The following CSMD1 variants were observed in gnomAD, a reference collection of about 807,000 sequenced individuals.
CSMD1 encodes the protein CUB and Sushi multiple domains 1.
CSMD1 carries 213 observed loss-of-function variants against 417.5 expected under a neutral mutation model. The ratio of observed to expected loss-of-function variants is 0.51; its 90% confidence interval spans 0.46 to 0.57. CSMD1 has a LOEUF of 0.57. Among genes scored for constraint, CSMD1 ranks in the 20% least tolerant of loss-of-function variants. The pLI, the probability that CSMD1 is intolerant of heterozygous loss-of-function variation, is 0.00. For missense variants in CSMD1, 6,923 were observed against 4,529.7 expected (o/e 1.53, Z -15.17); for synonymous variants, 2,862 against 1,736.8 (o/e 1.65, Z -16.11).
At chr8:3,045,575 T>C (rs7387327) in intron 50 of CSMD1, among the ~76,000 whole-genome samples, 71,010 of 151,974 alleles carry the variant, frequency 0.47, 18,662 homozygotes, top group Non-Finnish European at 0.59. Context: ...CTATTACCTA[T>C]GGTGACCCCA....
intron 5 of CSMD1, among the ~76,000 whole-genome samples, chr8:3,953,481 G>T (rs778752858): frequency 1.3e-5 from 2 of 152,138 alleles, no homozygotes; most frequent in African/African-American, 2.4e-5. Flanking sequence ...AGAGAGAGGT[G>T]TATGGGCTGA....
At chr8:4,128,314 G>C (rs1397077966) in intron 3 of CSMD1, among the ~76,000 whole-genome samples, 2 of 152,128 alleles carry the variant, frequency 1.3e-5, no homozygotes, top group Non-Finnish European at 2.9e-5. Flanking sequence ...CTACAAATTA[G>C]GGTCAGTTTT....
At chr8:4,807,656 A>C (rs1363161093) in intron 1 of CSMD1, among the ~76,000 whole-genome samples, 1 of 152,212 alleles carries the variant, frequency 6.6e-6, no homozygotes, top group Non-Finnish European at 1.5e-5. Context: ...AATACTGTAC[A>C]TGCACACGTA....
At chr8:3,871,245 T>C (rs1805463056) in intron 5 of CSMD1, among the ~76,000 whole-genome samples, 1 of 152,240 alleles carries the variant, frequency 6.6e-6, no homozygotes, top group African/African-American at 2.4e-5. Flanking sequence ...ATACATATTT[T>C]AGCACTTAAT....
At chr8:4,368,305 G>A (rs1238875039) in intron 3 of CSMD1, among the ~76,000 whole-genome samples, 1 of 152,130 alleles carries the variant, frequency 6.6e-6, no homozygotes, top group African/African-American at 2.4e-5. Context: ...ATATGTGTAT[G>A]TTAAACCAAC....
intron 3 of CSMD1, among the ~76,000 whole-genome samples, chr8:4,175,335 G>A (rs184398192): frequency 6.6e-6 from 1 of 152,144 alleles, no homozygotes; most frequent in South Asian, 2.1e-4. Context: ...AGTTATCTTC[G>A]TCACTTTTTT....
chr8:3,382,066 T>G (rs1324646162), intron 18 of CSMD1, among the ~76,000 whole-genome samples: 1 of 152,118 alleles, frequency 6.6e-6, no homozygotes, highest in African/African-American at 2.4e-5. Context: ...GAGACCAGCC[T>G]GGCCAACATG....
intron 3 of CSMD1, among the ~76,000 whole-genome samples, chr8:4,116,987 A>C (rs1802191267): frequency 6.6e-6 from 1 of 152,062 alleles, no homozygotes. Context: ...CCTAGTGACT[A>C]TCTTCAGTAA....
intron 1 of CSMD1, among the ~76,000 whole-genome samples, chr8:4,931,810 T>C (rs1478458049): frequency 6.6e-6 from 1 of 152,220 alleles, no homozygotes; most frequent in Admixed American, 6.5e-5. Context: ...TGCAAACATT[T>C]TAGCTTGTTA....
Position 3,707,783 on chromosome 8 carries a change from G to C in CSMD1, c.1009+631C>G, listed in dbSNP as rs182471784. Reference sequence around the variant, plus strand: ...CAGAGAAGCACCATGACCCAGTCCAGGCATGGTCAGGGCTTCCTATGGCTG... The same window carrying C: ...CAGAGAAGCACCATGACCCAGTCCACGCATGGTCAGGGCTTCCTATGGCTG... On this transcript the variant is annotated intron_variant, in intron 7 of 69. Coordinates refer to ENST00000635120, the MANE Select transcript of CSMD1 (RefSeq NM_033225.6). 4.1e-4 allele frequency among the ~76,000 whole-genome samples: 62 copies of C among 152,300 alleles called. 1 individual carries two copies. The East Asian group carries it at 0.011, about 27-fold the overall frequency.
chr8:3,887,407 C>G (rs922298701), intron 5 of CSMD1, among the ~76,000 whole-genome samples: 2 of 152,192 alleles, frequency 1.3e-5, no homozygotes, highest in South Asian at 2.1e-4. Context: ...ACCTTCTACT[C>G]TGTCTGAAAT....
chr8:3,379,151 C>T (rs901549896), intron 18 of CSMD1, among the ~76,000 whole-genome samples: 13 of 152,050 alleles, frequency 8.5e-5, no homozygotes, highest in African/African-American at 3.1e-4. Flanking sequence ...TTCACAATTG[C>T]TACAAAGAGA....
chr8:4,041,142 G>T (rs573005933), intron 3 of CSMD1, among the ~76,000 whole-genome samples: 14 of 148,796 alleles, frequency 9.4e-5, no homozygotes, highest in African/African-American at 3.0e-4. Flanking sequence ...TCAGCCTCCC[G>T]AGTAGCTGGG....
intron 5 of CSMD1, among the ~76,000 whole-genome samples, chr8:3,828,878 C>G (rs78469962): frequency 0.012 from 1,848 of 152,240 alleles, 36 homozygotes; most frequent in African/African-American, 0.041. Context: ...CGTCTCACAT[C>G]ACCAACCCCA....
chr8:3,206,882 G>T (rs1440767235), intron 30 of CSMD1, among the ~76,000 whole-genome samples: 1 of 152,026 alleles, frequency 6.6e-6, no homozygotes, highest in African/African-American at 2.4e-5. Context: ...TCTTTAGATT[G>T]CCAGTACTCT....
At chr8:4,742,894 G>C (rs1009573983) in intron 1 of CSMD1, among the ~76,000 whole-genome samples, 1 of 151,994 alleles carries the variant, frequency 6.6e-6, no homozygotes, top group Non-Finnish European at 1.5e-5. Context: ...ATGTCTATCA[G>C]AACGGTTAAA....
intron 23 of CSMD1, among the ~76,000 whole-genome samples, chr8:3,318,488 G>T (rs1325660549): frequency 6.6e-6 from 1 of 152,178 alleles, no homozygotes; most frequent in African/African-American, 2.4e-5. Context: ...AGTCTGTGTA[G>T]ATAAAAGATA....
chr8:4,400,235 A>G (rs1804555642), intron 3 of CSMD1, among the ~76,000 whole-genome samples: 1 of 152,236 alleles, frequency 6.6e-6, no homozygotes, highest in African/African-American at 2.4e-5. Context: ...AAACTTATGG[A>G]CATGGAAGAA....
chr8:4,120,648 C>T (rs1055254162), intron 3 of CSMD1, among the ~76,000 whole-genome samples: 1 of 152,218 alleles, frequency 6.6e-6, no homozygotes, highest in African/African-American at 2.4e-5. Flanking sequence ...CTTCTCTAGT[C>T]AGTAACTTCA....
Sources: gnomAD v4.1 joint callset for allele counts (sites outside exome capture counted in the v4.1 genomes callset) on GRCh38, gnomAD v4.1.1 for gene constraint, MANE v1.5 for transcripts, NCBI Gene and HGNC (gene_info 2026-07-23, HGNC 2026-07-21) for gene names.